Variants in BMPR1B observed in about 807,000 individuals in gnomAD.
The protein encoded by BMPR1B is bone morphogenetic protein receptor type 1B.
BMPR1B carries 12 observed loss-of-function variants against 59.1 expected under a neutral mutation model. The observed-to-expected ratio is 0.20, with a 90% CI of 0.13 to 0.33. The LOEUF (loss-of-function observed/expected upper bound fraction) is 0.33, where lower values mean the gene tolerates loss of function less well. BMPR1B is among the 10% of genes least tolerant of loss of function. BMPR1B has a pLI of 1.00. For missense variants in BMPR1B, 550 were observed against 610.9 expected (o/e 0.90, Z 1.05); for synonymous variants, 237 against 207.3 (o/e 1.14, Z -1.23).
chr4:95,114,321 C>G (rs1731848513), intron 4 of BMPR1B, among the ~76,000 whole-genome samples: 1 of 152,108 alleles, frequency 6.6e-6, no homozygotes, highest in Non-Finnish European at 1.5e-5. Context: ...TCAGTTTCCT[C>G]ATATAGAAAG....
At chr4:95,050,894 T>G (rs1008464881) in intron 3 of BMPR1B, among the ~76,000 whole-genome samples, 1 of 152,172 alleles carries the variant, frequency 6.6e-6, no homozygotes, top group African/African-American at 2.4e-5. Flanking sequence ...TCATTCAATA[T>G]CATGGCAAAT....
At chr4:94,935,986 GTAT>G (rs1293505459) in intron 2 of BMPR1B, among the ~76,000 whole-genome samples, 3 of 151,788 alleles carry the variant, frequency 2.0e-5, no homozygotes, top group Non-Finnish European at 2.9e-5. Flanking sequence ...TTTTTTTCCT[GTAT>G]TATTGTTATT....
At position 95,154,666 on chromosome 4, in the gene BMPR1B, A is replaced by C. The variant is rs766714132; in HGVS notation, c.1502A>C (p.Lys501Thr). ...AAAATGTCAGAGTCCCAGGACATTA[A>C]ACTCTGATAGGAGAGGAAAAGTAAG... is the stretch of plus-strand genomic sequence containing the variant. ...LAKMSESQDIKL is the reference protein window; with the variant it reads ...LAKMSESQDITL The change falls in exon 13 of 13, where the codon AAA becomes ACA. Residue 501 changes from lysine to threonine, a missense_variant. By Grantham distance (78) the Lys-to-Thr change is moderately conservative. Around this residue, in one of 6 missense-constraint regions of BMPR1B, gnomAD observed 123 missense variants for 164.6 expected, o/e 0.75. Coordinates refer to ENST00000515059, the MANE Select transcript of BMPR1B (RefSeq NM_001203.3). The C allele has an allele frequency of 1.9e-6, 3 of 1,614,086 alleles. No individual in the cohort carries two copies. Among genetic ancestry groups the C allele is most frequent in the Non-Finnish European group, 2.5e-6 (3 of 1,179,964 alleles).
At chr4:94,867,831 G>A (rs1422366502) in intron 1 of BMPR1B, among the ~76,000 whole-genome samples, 1 of 151,998 alleles carries the variant, frequency 6.6e-6, no homozygotes, top group East Asian at 1.9e-4. Flanking sequence ...ATTAGTTTTA[G>A]TTGCATATTA....
chr4:95,051,693 T>C (rs779155949), intron 3 of BMPR1B: 43 of 1,535,472 alleles, frequency 2.8e-5, no homozygotes, highest in Middle Eastern at 3.3e-4. Flanking sequence ...ACTGCTCTGC[T>C]GCTGCAATGG....
intron 3 of BMPR1B, among the ~76,000 whole-genome samples, chr4:95,089,642 C>A (rs149470766): frequency 0.015 from 2,307 of 152,108 alleles, 33 homozygotes; most frequent in Admixed American, 0.028. Flanking sequence ...AGCATCAGGC[C>A]AGAATGTTCC....
intron 3 of BMPR1B, among the ~76,000 whole-genome samples, chr4:95,067,159 T>C (rs1285139790): frequency 6.6e-6 from 1 of 152,206 alleles, no homozygotes; most frequent in African/African-American, 2.4e-5. Context: ...ATAGGTGCTT[T>C]CTTTGTATGC....
chr4:94,944,211 C>T (rs1729621538), intron 2 of BMPR1B, among the ~76,000 whole-genome samples: 1 of 152,120 alleles, frequency 6.6e-6, no homozygotes, highest in African/African-American at 2.4e-5. Context: ...TGAAACACTT[C>T]TGGTCTCAAG....
intron 2 of BMPR1B, chr4:94,995,715 A>G (rs1029872092): frequency 2.0e-5 from 3 of 152,204 alleles, no homozygotes; most frequent in African/African-American, 7.2e-5. Flanking sequence ...GGAAAGGCCC[A>G]TAGCATCTGT....
At chr4:95,139,629 C>G (rs1734064977) in intron 10 of BMPR1B, among the ~76,000 whole-genome samples, 1 of 152,348 alleles carries the variant, frequency 6.6e-6, no homozygotes, top group African/African-American at 2.4e-5. Context: ...GCCCCTCCCT[C>G]AGCCTCGCTG....
At position 94,821,151 on chromosome 4, in the gene BMPR1B, T is replaced by C. The variant is rs1724192421; in HGVS notation, c.-182-54680T>C. On this transcript the variant is annotated intron_variant, in intron 1 of 12. Transcript: ENST00000515059. ...AAGCTGGCTGAGACTTATTTATGTG[T>C]TACACAGCTATACTTGGTTCCATAA... is the stretch of plus-strand genomic sequence containing the variant. 2.0e-5 allele frequency among the ~76,000 whole-genome samples: 3 copies of C among 152,236 alleles called. No individual in the cohort carries two copies. In the South Asian group the frequency reaches 6.2e-4, roughly 32 times the overall value.
intron 1 of BMPR1B, among the ~76,000 whole-genome samples, chr4:94,860,331 G>C (rs1488440436): frequency 2.0e-5 from 3 of 152,148 alleles, no homozygotes; most frequent in African/African-American, 4.8e-5. Flanking sequence ...AGCAACATCA[G>C]TAAGATGTTG....
intron 3 of BMPR1B, among the ~76,000 whole-genome samples, chr4:95,022,296 C>T (rs992225703): frequency 6.6e-6 from 1 of 152,152 alleles, no homozygotes; most frequent in Non-Finnish European, 1.5e-5. Context: ...AGTGGCTGTT[C>T]GAAAATATCT....
intron 1 of BMPR1B, among the ~76,000 whole-genome samples, chr4:94,760,501 T>G (rs183466856): frequency 9.8e-5 from 15 of 152,308 alleles, no homozygotes; most frequent in Admixed American, 3.3e-4. Flanking sequence ...TTGCCACATA[T>G]AGCACCTCCT....
In BMPR1B at chr4:94,823,748, G is replaced by T. The variant is rs532327040; in HGVS notation, c.-182-52083G>T. ...AAGAATAGTTTTTAGTATCCTTTTG[G>T]TTTTTTTTTTTTTATTTGAGATGGA... On this transcript the variant is annotated intron_variant, in intron 1 of 12. Coordinates refer to ENST00000515059, the MANE Select transcript of BMPR1B (RefSeq NM_001203.3). Among the ~76,000 whole-genome samples, 635 of 149,356 alleles carry T rather than the reference G, an allele frequency of 4.3e-3. 5 individuals are homozygous for T. The highest frequency in any genetic ancestry group is 0.015 in the African/African-American group (607 of 40,562).
chr4:94,776,275 G>A (rs558312069), intron 1 of BMPR1B, among the ~76,000 whole-genome samples: 2 of 152,126 alleles, frequency 1.3e-5, no homozygotes, highest in Admixed American at 1.3e-4. Context: ...GAAAAGCAAG[G>A]AAATATTTGG....
At chr4:95,097,934 C>A (rs1268317127) in intron 3 of BMPR1B, among the ~76,000 whole-genome samples, 2 of 151,936 alleles carry the variant, frequency 1.3e-5, no homozygotes, top group Non-Finnish European at 2.9e-5. Context: ...TGGTTAGATA[C>A]CTTCCAGTTG....
intron 3 of BMPR1B, among the ~76,000 whole-genome samples, chr4:95,088,040 T>A (rs1273943250): frequency 6.6e-6 from 1 of 152,180 alleles, no homozygotes; most frequent in African/African-American, 2.4e-5. Flanking sequence ...AATGTTGAAT[T>A]TTCTGTTTTA....
At chr4:94,949,090 AT>A (rs1729830301) in intron 2 of BMPR1B, among the ~76,000 whole-genome samples, 1 of 152,066 alleles carries the variant, frequency 6.6e-6, no homozygotes, top group African/African-American at 2.4e-5. Flanking sequence ...CGCCATCTAC[AT>A]TAGGTATTTC....
Sources: gnomAD v4.1 joint callset for allele counts (sites outside exome capture counted in the v4.1 genomes callset) on GRCh38, gnomAD v4.1.1 for gene constraint, gnomAD v4.1.1 regional missense constraint, MANE v1.5 for transcripts, NCBI Gene and HGNC (gene_info 2026-07-23, HGNC 2026-07-21) for gene names.